Variants in EBF2 observed in about 807,000 individuals in gnomAD.
EBF2 encodes transcription factor COE2.
Under a neutral mutation model 72.8 loss-of-function variants are expected in EBF2, and 21 were observed. The ratio of observed to expected loss-of-function variants is 0.29; its 90% CI spans 0.20 to 0.42. The LOEUF is 0.42. EBF2 is among the 10% of genes least tolerant of loss of function. EBF2 has a pLI of 1.00. For synonymous variants in EBF2, 299 were observed against 274.2 expected (o/e 1.09, Z -0.89); for missense variants, 637 against 731.2 (o/e 0.87, Z 1.49).
intron 6 of EBF2, among the ~76,000 whole-genome samples, chr8:25,997,180 C>T (rs1804647365): frequency 6.6e-6 from 1 of 152,174 alleles, no homozygotes; most frequent in African/African-American, 2.4e-5. Flanking sequence ...CTAAAATCCA[C>T]TCTATTTCAT....
intron 6 of EBF2, among the ~76,000 whole-genome samples, chr8:25,964,493 A>G (rs1804083985): frequency 1.3e-5 from 2 of 152,214 alleles, no homozygotes; most frequent in Admixed American, 1.3e-4. Context: ...AGAACAATGT[A>G]TCCTTCTCAA....
intron 6 of EBF2, among the ~76,000 whole-genome samples, chr8:25,913,741 G>A (rs1205978273): frequency 2.6e-5 from 4 of 152,144 alleles, no homozygotes; most frequent in South Asian, 2.1e-4. Flanking sequence ...ACATAAGCAG[G>A]CTAGGTCACT....
chr8:25,922,267 C>CA (rs936323513), intron 6 of EBF2, among the ~76,000 whole-genome samples: 77 of 150,224 alleles, frequency 5.1e-4, no homozygotes, highest in African/African-American at 1.4e-3. Context: ...AAAAAACAAA[C>CA]AAAAAAAACA....
chr8:25,959,042 C>T (rs1803993503), intron 6 of EBF2, among the ~76,000 whole-genome samples: 1 of 152,194 alleles, frequency 6.6e-6, no homozygotes, highest in Non-Finnish European at 1.5e-5. Context: ...GACAATGATG[C>T]AGACCCCGAG....
intron 6 of EBF2, among the ~76,000 whole-genome samples, chr8:25,982,292 GA>G (rs1804375320): frequency 6.6e-6 from 1 of 152,222 alleles, no homozygotes; most frequent in Non-Finnish European, 1.5e-5. Context: ...AAACTGCCTA[GA>G]ACACCCACAC....
intron 6 of EBF2, chr8:26,031,912 C>G (rs1349157450): frequency 1.3e-5 from 2 of 152,180 alleles, no homozygotes; most frequent in Admixed American, 6.5e-5. Context: ...CAAAAAAGAC[C>G]AGAGCAACCC....
intron 14 of EBF2, among the ~76,000 whole-genome samples, chr8:25,853,604 T>C (rs1462944414): frequency 6.6e-6 from 1 of 152,154 alleles, no homozygotes; most frequent in Non-Finnish European, 1.5e-5. Context: ...TATTTTAAAA[T>C]GTGTACATCC....
intron 6 of EBF2, among the ~76,000 whole-genome samples, chr8:25,999,683 C>T (rs546084516): frequency 6.6e-6 from 1 of 151,902 alleles, no homozygotes; most frequent in African/African-American, 2.4e-5. Context: ...AAACCGTCCC[C>T]CATATCCACA....
intron 7 of EBF2, among the ~76,000 whole-genome samples, chr8:25,903,379 G>A (rs1563394888): frequency 6.6e-6 from 1 of 152,038 alleles, no homozygotes; most frequent in Admixed American, 6.5e-5. Flanking sequence ...TGCTGAGGAC[G>A]GGTTAGACAG....
chr8:25,940,293 T>C (rs577454868), intron 6 of EBF2, among the ~76,000 whole-genome samples: 2 of 152,328 alleles, frequency 1.3e-5, no homozygotes, highest in Admixed American at 6.5e-5. Context: ...AGTAGTCTTC[T>C]GAGGTAGGAA....
intron 6 of EBF2, among the ~76,000 whole-genome samples, chr8:25,927,369 GTA>G (rs1490669562): frequency 6.8e-6 from 1 of 147,362 alleles, no homozygotes; most frequent in Non-Finnish European, 1.5e-5. Flanking sequence ...ATACTATCGT[GTA>G]TGTTATATAT....
chr8:26,004,214 T>C (rs1223129121), intron 6 of EBF2, among the ~76,000 whole-genome samples: 2 of 152,172 alleles, frequency 1.3e-5, no homozygotes, highest in African/African-American at 4.8e-5. Context: ...AAACAATGGC[T>C]TTTCTTGGAC....
At chr8:25,927,129 A>T (rs2117141037) in intron 6 of EBF2, among the ~76,000 whole-genome samples, 1 of 152,258 alleles carries the variant, frequency 6.6e-6, no homozygotes, top group East Asian at 1.9e-4. Flanking sequence ...TCATCCAATC[A>T]GTTGAAGGCC....
chr8:26,008,923 A>T, intron 6 of EBF2, among the ~76,000 whole-genome samples: 1 of 151,780 alleles, frequency 6.6e-6, no homozygotes, highest in South Asian at 2.1e-4. Flanking sequence ...TTGTAGGAAA[A>T]GTCGTTAAGC....
intron 6 of EBF2, among the ~76,000 whole-genome samples, chr8:26,027,770 T>C (rs986300123): frequency 1.3e-5 from 2 of 152,050 alleles, no homozygotes; most frequent in African/African-American, 4.8e-5. Flanking sequence ...CAACGGAATA[T>C]CATTTGGCCT....
intron 13 of EBF2, 127 bp from the exon 14 acceptor site, chr8:25,858,631 A>T: frequency 1.9e-6 from 1 of 535,260 alleles, no homozygotes; most frequent in Non-Finnish European, 3.2e-6. Context: ...AGTTGTAGGA[A>T]GTGTGCAGTC....
intron 6 of EBF2, among the ~76,000 whole-genome samples, chr8:25,946,468 G>A (rs1463647944): frequency 8.5e-5 from 13 of 152,210 alleles, no homozygotes; most frequent in Admixed American, 8.5e-4. Flanking sequence ...CATCTGGGGT[G>A]GCAGGTGAGG....
intron 6 of EBF2, among the ~76,000 whole-genome samples, chr8:25,964,034 A>T (rs1308098686): frequency 6.6e-6 from 1 of 152,194 alleles, no homozygotes; most frequent in Non-Finnish European, 1.5e-5. Context: ...TCCTAACAGT[A>T]CTTTGTATCA....
intron 6 of EBF2, among the ~76,000 whole-genome samples, chr8:25,935,403 G>A (rs17810433): frequency 0.011 from 1,661 of 152,266 alleles, 27 homozygotes; most frequent in Middle Eastern, 0.024. Context: ...CTCCAGGGCC[G>A]CATCAATAAA....
Sources: gnomAD v4.1 joint callset for allele counts (sites outside exome capture counted in the v4.1 genomes callset) on GRCh38, gnomAD v4.1.1 for gene constraint, MANE v1.5 for transcripts, NCBI Gene and HGNC (gene_info 2026-07-23, HGNC 2026-07-21) for gene names.